Variants in GHR observed in about 807,000 individuals in gnomAD.
GHR encodes growth hormone receptor.
Under a neutral mutation model 67.1 loss-of-function variants are expected in GHR, and 35 were observed. The observed-to-expected ratio is 0.52, with a 90% CI of 0.40 to 0.69. The LOEUF is 0.69. Ranked by LOEUF, GHR falls within the 30% of genes least tolerant of loss-of-function variation. The probability of loss-of-function intolerance (pLI) is 0.00; values close to 1 mark genes in which losing one functional copy is unlikely to be tolerated. For missense variants in GHR, 792 were observed against 764.6 expected (o/e 1.04, Z -0.42); for synonymous variants, 272 against 269.1 (o/e 1.01, Z -0.10).
intron 2 of GHR, among the ~76,000 whole-genome samples, chr5:42,585,167 T>C (rs1751409200): frequency 1.3e-5 from 2 of 152,192 alleles, no homozygotes; most frequent in Middle Eastern, 3.2e-3. Context: ...TCATGTTAAT[T>C]AAAATTAAAT....
intron 3 of GHR, among the ~76,000 whole-genome samples, chr5:42,634,521 G>GCACACA (rs10684580): frequency 0.032 from 4,819 of 148,884 alleles, 256 homozygotes; most frequent in African/African-American, 0.11. Context: ...ATTGAATTTT[G>GCACACA]CACACACACA....
intron 3 of GHR, among the ~76,000 whole-genome samples, chr5:42,658,304 A>T (rs1485163360): frequency 2.0e-5 from 3 of 152,208 alleles, no homozygotes; most frequent in Non-Finnish European, 4.4e-5. Context: ...AAAAATCTGG[A>T]TTCACATCCC....
chr5:42,468,854 A>C (rs1744867398), intron 1 of GHR: 3 of 941,134 alleles, frequency 3.2e-6, no homozygotes, highest in Non-Finnish European at 4.8e-6. Flanking sequence ...CCTTCCTGTA[A>C]CTGCCCAGGC....
chr5:42,587,108 G>A (rs1751517682), intron 2 of GHR, among the ~76,000 whole-genome samples: 2 of 150,154 alleles, frequency 1.3e-5, no homozygotes, highest in Non-Finnish European at 3.0e-5. Flanking sequence ...TTGGCAGCAA[G>A]CATTTTTAAA....
Position 42,565,879 on chromosome 5 carries a change from A to T in GHR, c.5A>T (p.Asp2Val), listed in dbSNP as rs1336478651. The change falls in exon 2 of 10, where the codon GAT (aspartate) becomes GTT (valine). Residue 2 changes from aspartate (D) to valine (V), a missense_variant. By Grantham distance (152) the Asp-to-Val change is radical (BLOSUM62 -3). Transcript: ENST00000230882. ...GTGATTGCAGGTCCTACAGGTATGGATCTCTGGCAGCTGCTGTTGACCTTG... is the reference window on the plus strand; with the variant it reads ...GTGATTGCAGGTCCTACAGGTATGGTTCTCTGGCAGCTGCTGTTGACCTTG... The part of the protein sequence containing the change: M[D>V]LWQLLLTLAL... 3.7e-6 allele frequency: 6 copies of T among 1,613,948 alleles called. No individual in the cohort carries two copies. The highest frequency in any genetic ancestry group is 1.1e-5 in the South Asian group (1 of 91,078).
At chr5:42,686,185 T>G (rs1374495704) in intron 3 of GHR, among the ~76,000 whole-genome samples, 1 of 152,178 alleles carries the variant, frequency 6.6e-6, no homozygotes, top group Non-Finnish European at 1.5e-5. Context: ...CCAACACCAT[T>G]TATTAAACAG....
Position 42,661,118 on chromosome 5 carries a change from C to A in GHR, c.137-27772C>A, listed in dbSNP as rs571347569. 4.6e-5 allele frequency among the ~76,000 whole-genome samples: 7 copies of A among 152,322 alleles called. 1 individual carries two copies. The South Asian group carries it at 1.5e-3, about 32-fold the overall frequency. ...ATGGGACTATGTGAAAAGACCAAAT[C>A]TATGTCTGATTGGTGTACCTGAAAT... On this transcript the variant is annotated intron_variant, in intron 3 of 9. Coordinates refer to ENST00000230882, the MANE Select transcript of GHR (RefSeq NM_000163.5).
Position 42,588,479 on chromosome 5 carries a change from A to G in GHR, c.70+22535A>G, listed in dbSNP as rs1393483935. Reference sequence around the variant, plus strand: ...AGGTTGCTGTGAGCGAGATCGCGCCATTGCACTCCACACTCCAGCCTGGGC... The same window carrying G: ...AGGTTGCTGTGAGCGAGATCGCGCCGTTGCACTCCACACTCCAGCCTGGGC... On this transcript the variant is annotated intron_variant, in intron 2 of 9. Transcript: ENST00000230882. Among the ~76,000 whole-genome samples, 4 of 136,692 alleles carry G rather than the reference A, an allele frequency of 2.9e-5. No individual in the cohort carries two copies. In the South Asian group the frequency reaches 7.1e-4, roughly 24 times the overall value. The allele number at this position is 136,692 out of a possible 152,430, so 89.7% of individuals were successfully genotyped here. A position where few individuals can be genotyped will look rare whatever the true frequency, so the allele number is the denominator to read the frequency against.
chr5:42,455,772 A>G (rs1303354471), intron 1 of GHR, among the ~76,000 whole-genome samples: 1 of 152,216 alleles, frequency 6.6e-6, no homozygotes, highest in African/African-American at 2.4e-5. Flanking sequence ...ATATTTTACA[A>G]ACTATATATA....
chr5:42,423,794 G>GGCAGCA lies in GHR; in HGVS notation c.-167_-162dup, dbSNP rs201602123. 1.2e-5 allele frequency: 2 copies of GGCAGCA among 163,948 alleles called. No homozygotes were observed. The highest frequency in any genetic ancestry group is 2.4e-5 in the African/African-American group (1 of 41,538). 10.2% of individuals were successfully genotyped at this position (163,948 alleles called of 1,614,324 possible). On this transcript the variant is annotated 5_prime_UTR_variant, in exon 1 of 10. Transcript: ENST00000230882. The stretch of plus-strand genomic sequence containing the variant: ...AGGGAGCGGCGGCGGCGGCGGCAGC[G>GGCAGCA]GCAGCAGCAGCTGCTACAGTGGCGG...
intron 2 of GHR, among the ~76,000 whole-genome samples, chr5:42,584,116 G>A (rs1751346919): frequency 6.6e-6 from 1 of 151,992 alleles, no homozygotes; most frequent in Non-Finnish European, 1.5e-5. Flanking sequence ...CTAGAACTCA[G>A]GTCTGGCTGA....
chr5:42,642,628 C>T lies in GHR; in HGVS notation c.136+13525C>T, dbSNP rs79548933. Among the ~76,000 whole-genome samples the T allele has an allele frequency of 2.7e-3, 404 of 152,256 alleles. 2 individuals carry two copies. Among genetic ancestry groups the T allele is most frequent in the African/African-American group, 9.4e-3 (391 of 41,544 alleles). On this transcript the variant is annotated intron_variant, in intron 3 of 9. Transcript: ENST00000230882. ...AGTAAATACACATGCAGGACCTCTACCTCAAATGTACTGAATTGAACTTCA... is the reference window on the plus strand; with the variant it reads ...AGTAAATACACATGCAGGACCTCTATCTCAAATGTACTGAATTGAACTTCA...
chr5:42,489,004 A>G (rs2112184549), intron 1 of GHR, among the ~76,000 whole-genome samples: 2 of 152,180 alleles, frequency 1.3e-5, no homozygotes, highest in Middle Eastern at 6.8e-3. Flanking sequence ...ACTATCCCAC[A>G]CTTCTCAGTG....
At chr5:42,709,632 G>A (rs779612412) in intron 6 of GHR, among the ~76,000 whole-genome samples, 2 of 152,100 alleles carry the variant, frequency 1.3e-5, no homozygotes, top group Non-Finnish European at 2.9e-5. Flanking sequence ...AAAATAATGA[G>A]TGATCTTGGG....
At chr5:42,514,473 T>TAA (rs5867591) in intron 1 of GHR, 74,770 of 192,184 alleles carry the variant, frequency 0.39, 15,733 homozygotes, top group Middle Eastern at 0.47. Flanking sequence ...GTTCTAGATT[T>TAA]AAAAAAAAAA....
At chr5:42,532,137 G>C (rs1458197544) in intron 1 of GHR, among the ~76,000 whole-genome samples, 7 of 152,014 alleles carry the variant, frequency 4.6e-5, no homozygotes, top group African/African-American at 1.7e-4. Flanking sequence ...AAATGCTCCT[G>C]AGCCTAGAAA....
At chr5:42,592,399 T>A (rs1466318952) in intron 2 of GHR, among the ~76,000 whole-genome samples, 2 of 152,212 alleles carry the variant, frequency 1.3e-5, no homozygotes, top group African/African-American at 4.8e-5. Flanking sequence ...TTAGTTTTTA[T>A]GTCCTCACCC....
intron 1 of GHR, among the ~76,000 whole-genome samples, chr5:42,523,689 T>C (rs1747573862): frequency 6.6e-6 from 1 of 152,186 alleles, no homozygotes; most frequent in South Asian, 2.1e-4. Context: ...GGAGCGTTAA[T>C]AATGCTACAA....
intron 7 of GHR, among the ~76,000 whole-genome samples, chr5:42,712,382 A>G (rs1758505914): frequency 6.6e-6 from 1 of 152,118 alleles, no homozygotes; most frequent in Admixed American, 6.5e-5. Context: ...TAATTCACTT[A>G]ACATATATTT....
Sources: allele counts gnomAD v4.1 joint callset (sites outside exome capture counted in the v4.1 genomes callset), GRCh38; gene constraint gnomAD v4.1.1; transcripts MANE v1.5; gene names NCBI Gene and HGNC (gene_info 2026-07-23, HGNC 2026-07-21).